The following FAM111B variants were observed in gnomAD, a reference collection of about 807,000 sequenced individuals.
FAM111B encodes FAM111 trypsin like peptidase B.
FAM111B carries 1 observed loss-of-function variant against 2.8 expected under a neutral mutation model. The ratio of observed to expected loss-of-function variants is 0.36; its 90% CI spans 0.13 to 1.70. FAM111B has a LOEUF of 1.70. Ranked by LOEUF, FAM111B falls within the 40% of genes most tolerant of loss-of-function variation. The pLI is 0.35. For synonymous variants in FAM111B, 297 were observed against 295.6 expected (o/e 1.00, Z -0.05); for missense variants, 882 against 878.9 (o/e 1.00, Z -0.04).
intron 3 of FAM111B, among the ~76,000 whole-genome samples, chr11:59,110,900 A>T (rs567451229): frequency 6.6e-6 from 1 of 152,206 alleles, no homozygotes; most frequent in African/African-American, 2.4e-5. Context: ...CCAAGATCAC[A>T]GTAGGCTTTA....
At chr11:59,114,059 G>A (rs748320143) in intron 3 of FAM111B, among the ~76,000 whole-genome samples, 5 of 152,214 alleles carry the variant, frequency 3.3e-5, no homozygotes, top group Non-Finnish European at 7.3e-5. Context: ...ACATACAAAG[G>A]TAACAGAAAG....
Position 59,126,335 on chromosome 11 carries a change from A to T in FAM111B, c.*33A>T. On this transcript the variant is annotated 3_prime_UTR_variant, in exon 4 of 4. Coordinates refer to ENST00000343597, the MANE Select transcript of FAM111B (RefSeq NM_198947.4). ...ATGCTGTCTTCAAGAAAATATGCCA[A>T]TAATTCCTGGCAAAGATTTCATGAC... 1 of 1,459,916 alleles carries T rather than the reference A, an allele frequency of 6.8e-7. No individual in the cohort carries two copies. Among genetic ancestry groups the T allele is most frequent in the Non-Finnish European group, 9.1e-7 (1 of 1,097,160 alleles). The allele number at this position is 1,459,916 out of a possible 1,614,324, so 90.4% of individuals were successfully genotyped here. A position where few individuals can be genotyped will look rare whatever the true frequency, so the allele number is the denominator to read the frequency against.
At chr11:59,108,532 C>A in intron 1 of FAM111B, 136 bp from the exon 2 acceptor site, 2 of 175,220 alleles carry the variant, frequency 1.1e-5, no homozygotes, top group Non-Finnish European at 1.2e-5. Flanking sequence ...CCTGGAATTC[C>A]TCAAGGTAGT....
intron 3 of FAM111B, among the ~76,000 whole-genome samples, chr11:59,119,130 A>G (rs561160169): frequency 1.1e-4 from 16 of 152,298 alleles, no homozygotes; most frequent in Admixed American, 2.6e-4. Flanking sequence ...ATTTTTGGGT[A>G]GCTGATTTCC....
chr11:59,124,799 C>A lies in FAM111B; in HGVS notation c.702C>A (p.Asp234Glu), dbSNP rs372197121. 1 of 1,613,432 alleles carries A rather than the reference C, an allele frequency of 6.2e-7. No individual in the cohort carries two copies. The highest frequency in any genetic ancestry group is 1.3e-5 in the African/African-American group (1 of 74,752). ...GCAAGGATGGCCGTTTTCGGTCTGA[C>A]ATAGGTGAATTTGAATGGAAACTAA... ...ALCKDGRFRS[D>E]IGEFEWKLKE... Residue 234 changes from aspartate (D) to glutamate (E), a missense_variant, in exon 4 of 4, where the codon GAC (aspartate) becomes GAA (glutamate). By Grantham distance (45) the Asp-to-Glu change is conservative. Coordinates refer to ENST00000343597, the MANE Select transcript of FAM111B (RefSeq NM_198947.4).
intron 3 of FAM111B, among the ~76,000 whole-genome samples, chr11:59,110,608 T>C (rs779959479): frequency 2.0e-5 from 3 of 152,198 alleles, no homozygotes; most frequent in Non-Finnish European, 4.4e-5. Flanking sequence ...GATAGGTTGA[T>C]GGCATAGATT....
chr11:59,119,228 G>A (rs1859884559), intron 3 of FAM111B, among the ~76,000 whole-genome samples: 1 of 152,140 alleles, frequency 6.6e-6, no homozygotes, highest in African/African-American at 2.4e-5. Context: ...GTCCTCTCAT[G>A]CCCTTTGAAA....
chr11:59,124,997 G>T lies in FAM111B; in HGVS notation c.900G>T (p.Gln300His). Residue 300 changes from glutamine (Q) to histidine (H), a missense_variant, in exon 4 of 4, where the codon CAG becomes CAT. Transcript: ENST00000343597. ...TDEINHQSLIQSKKKVHKPKK... is the reference protein window; with the variant it reads ...TDEINHQSLIHSKKKVHKPKK... ...AAATTAATCACCAGAGTCTGATACA[G>T]TCTAAGAAAAAAGTCCACAAACCAA... 1 of 1,612,596 alleles carries T rather than the reference G, an allele frequency of 6.2e-7. No homozygotes were observed. Among genetic ancestry groups the T allele is most frequent in the Non-Finnish European group, 8.5e-7 (1 of 1,179,650 alleles).
At chr11:59,124,001 A>G (rs576080631) in intron 3 of FAM111B, among the ~76,000 whole-genome samples, 178 bp from the exon 4 acceptor site, 1 of 150,122 alleles carries the variant, frequency 6.7e-6, no homozygotes, top group Admixed American at 6.6e-5. Flanking sequence ...AAAAATTAAA[A>G]TAAAGTGTAG....
chr11:59,109,664 C>A lies in FAM111B; in HGVS notation c.39C>A (p.Ser13Arg), dbSNP rs138558402. 1 of 1,611,842 alleles carries A rather than the reference C, an allele frequency of 6.2e-7. No individual in the cohort carries two copies. Among genetic ancestry groups the A allele is most frequent in the East Asian group, 2.2e-5 (1 of 44,788 alleles). ...SMKTEENKSFSAMEDDQRTRP... is the reference protein window; with the variant it reads ...SMKTEENKSFRAMEDDQRTRP... The stretch of plus-strand genomic sequence containing the variant: ...AGACTGAAGAAAACAAGTCATTTAG[C>A]GCTATGGAAGATGACCAGAGGACTA... Residue 13 changes from serine (S) to arginine (R), a missense_variant, in exon 3 of 4, where the codon AGC becomes AGA. Coordinates refer to ENST00000343597, the MANE Select transcript of FAM111B (RefSeq NM_198947.4).
chr11:59,116,271 A>G (rs1370169502), intron 3 of FAM111B, among the ~76,000 whole-genome samples: 1 of 152,198 alleles, frequency 6.6e-6, no homozygotes, highest in Non-Finnish European at 1.5e-5. Context: ...GTTGCTCTAA[A>G]TTCTGCTGAT....
chr11:59,122,724 A>G (rs1310267806), intron 3 of FAM111B, among the ~76,000 whole-genome samples: 2 of 152,210 alleles, frequency 1.3e-5, no homozygotes, highest in Non-Finnish European at 2.9e-5. Flanking sequence ...AAATATTAAT[A>G]TCTGGAGCTT....
At chr11:59,110,712 T>C (rs1859744941) in intron 3 of FAM111B, among the ~76,000 whole-genome samples, 1 of 152,146 alleles carries the variant, frequency 6.6e-6, no homozygotes, top group African/African-American at 2.4e-5. Flanking sequence ...AGTTATTTTT[T>C]AAAAAGAATG....
In FAM111B at chr11:59,127,286, A is replaced by G. The variant is rs1860054724; in HGVS notation, c.*984A>G. The G allele has an allele frequency of 1.3e-5, 2 of 152,104 alleles. No homozygotes were observed. Among genetic ancestry groups the G allele is most frequent in the Non-Finnish European group, 2.9e-5 (2 of 67,978 alleles). 9.4% of individuals were successfully genotyped at this position (152,104 alleles called of 1,614,324 possible). On this transcript the variant is annotated 3_prime_UTR_variant, in exon 4 of 4. Transcript: ENST00000343597. ...ACTGAAAAACTGCCTATGGGGTACTATGCTTATTACCTGGGTGATGAAATA... is the reference window on the plus strand; with the variant it reads ...ACTGAAAAACTGCCTATGGGGTACTGTGCTTATTACCTGGGTGATGAAATA...
chr11:59,124,396 A>G lies in FAM111B; in HGVS notation c.299A>G (p.Tyr100Cys). Residue 100 changes from tyrosine to cysteine, a missense_variant, in exon 4 of 4, where the codon TAT becomes TGT. By Grantham distance (194) the Tyr-to-Cys change is radical. Transcript: ENST00000343597. Reference protein sequence around the residue: ...RKLDRSVFTAYGKPSESIYSA... With the variant: ...RKLDRSVFTACGKPSESIYSA... Reference sequence around the variant, plus strand: ...TTAGACCGTAGTGTGTTTACAGCATATGGTAAACCCAGCGAGAGTATCTAC... The same window carrying G: ...TTAGACCGTAGTGTGTTTACAGCATGTGGTAAACCCAGCGAGAGTATCTAC... 1 of 1,613,722 alleles carries G rather than the reference A, an allele frequency of 6.2e-7. No individual in the cohort carries two copies. Among genetic ancestry groups the G allele is most frequent in the Non-Finnish European group, 8.5e-7 (1 of 1,179,780 alleles).
At chr11:59,109,434 C>A (rs1280340865) in intron 2 of FAM111B, 106 bp from the exon 3 acceptor site, 2 of 468,800 alleles carry the variant, frequency 4.3e-6, no homozygotes, top group African/African-American at 2.0e-5. Flanking sequence ...TAGGGCTTAC[C>A]TCATATGATT....
chr11:59,111,271 T>A (rs1049496084), intron 3 of FAM111B, among the ~76,000 whole-genome samples: 2 of 152,174 alleles, frequency 1.3e-5, no homozygotes, highest in African/African-American at 4.8e-5. Context: ...AGGGCACATA[T>A]AGATATTCTT....
intron 3 of FAM111B, among the ~76,000 whole-genome samples, chr11:59,117,061 G>A (rs1447941775): frequency 6.6e-6 from 1 of 152,206 alleles, no homozygotes; most frequent in Non-Finnish European, 1.5e-5. Flanking sequence ...TCACTTAGAG[G>A]GAAAACAAAC....
chr11:59,115,542 T>C (rs781022173), intron 3 of FAM111B, among the ~76,000 whole-genome samples: 9 of 152,224 alleles, frequency 5.9e-5, no homozygotes, highest in Non-Finnish European at 1.2e-4. Context: ...TATTCTTGAA[T>C]ACAAGGGAGA....
Sources: gnomAD v4.1 joint callset for allele counts (sites outside exome capture counted in the v4.1 genomes callset) on GRCh38, gnomAD v4.1.1 for gene constraint, MANE v1.5 for transcripts, NCBI Gene and HGNC (gene_info 2026-07-23, HGNC 2026-07-21) for gene names.